Variants in PTPRQ observed in about 807,000 individuals in gnomAD.
PTPRQ encodes the protein protein tyrosine phosphatase receptor type Q.
A neutral mutation model predicts 246.0 loss-of-function variants in PTPRQ; 199 were observed. The observed-to-expected ratio is 0.81, with a 90% CI of 0.72 to 0.91. PTPRQ has a LOEUF of 0.91. PTPRQ is among the 40% of genes least tolerant of loss of function. The probability of loss-of-function intolerance (pLI) is 0.00; values close to 1 mark genes in which losing one functional copy is unlikely to be tolerated. For synonymous variants in PTPRQ, 869 were observed against 853.2 expected (o/e 1.02, Z -0.32); for missense variants, 2,624 against 2,528.4 (o/e 1.04, Z -0.81).
At position 80,679,964 on chromosome 12, in the gene PTPRQ, A is replaced by T; in HGVS notation, c.*941A>T. 6.6e-6 allele frequency: 1 copy of T among 151,734 alleles called. No individual in the cohort carries two copies. Among genetic ancestry groups the T allele is most frequent in the South Asian group, 2.1e-4 (1 of 4,824 alleles). The allele number at this position is 151,734 out of a possible 1,614,324, so 9.4% of individuals were successfully genotyped here. A position where few individuals can be genotyped will look rare whatever the true frequency, so the allele number is the denominator to read the frequency against. On this transcript the variant is annotated 3_prime_UTR_variant, in exon 45 of 45. Transcript: ENST00000644991. Reference sequence around the variant, plus strand: ...GAGACTTCCAAATGGATTATGTTAAATGGCCGTCATTTCATTTCCCAAGGT... The same window carrying T: ...GAGACTTCCAAATGGATTATGTTAATTGGCCGTCATTTCATTTCCCAAGGT...
chr12:80,578,274 T>C (rs896509026), intron 25 of PTPRQ, among the ~76,000 whole-genome samples: 2 of 139,938 alleles, frequency 1.4e-5, no homozygotes, highest in Non-Finnish European at 1.5e-5. Flanking sequence ...CCTGTGTCCA[T>C]GTGTTCTCAT....
At chr12:80,673,128 C>G (rs1339828823) in intron 42 of PTPRQ, 41 bp from the exon 43 acceptor site, 97 of 1,545,818 alleles carry the variant, frequency 6.3e-5, no homozygotes, top group Non-Finnish European at 7.9e-5. Flanking sequence ...AATGAACAAC[C>G]CTTTGCTGAA....
At chr12:80,542,955 G>A in intron 23 of PTPRQ, 74 bp downstream of exon 23, 2 of 1,013,796 alleles carry the variant, frequency 2.0e-6, no homozygotes, top group East Asian at 3.1e-5. Flanking sequence ...ACATATAGGA[G>A]GAAAATGGAC....
At chr12:80,546,441 C>T in intron 23 of PTPRQ, 115 bp from the exon 24 acceptor site, 1 of 994,872 alleles carries the variant, frequency 1.0e-6, no homozygotes, top group Non-Finnish European at 1.5e-6. Flanking sequence ...TTTAAAATAT[C>T]CATGCTTATT....
chr12:80,612,146 CTA>C (rs1182266945), intron 28 of PTPRQ, among the ~76,000 whole-genome samples: 1 of 150,238 alleles, frequency 6.7e-6, no homozygotes, highest in East Asian at 2.0e-4. Context: ...ATAAAGAACA[CTA>C]ATTATGTTAT....
Position 80,445,598 on chromosome 12 carries a change from G to A in PTPRQ, c.271G>A (p.Val91Ile), listed in dbSNP as rs1364127912. 3.9e-6 allele frequency: 6 copies of A among 1,548,502 alleles called. No homozygotes were observed. In the Admixed American group the frequency reaches 1.2e-4, roughly 30 times the overall value. ...AAATGGAAGGATTATATCTTACATTGTCAAATATAAGGAAGTTTGTCCGTG... is the reference window on the plus strand; with the variant it reads ...AAATGGAAGGATTATATCTTACATTATCAAATATAAGGAAGTTTGTCCGTG... ...NPNGRIISYI[V>I]KYKEVCPWMQ... The change falls in exon 3 of 45, where the codon GTC becomes ATC. Residue 91 changes from valine to isoleucine, a missense_variant. Val to Ile is a conservative substitution (Grantham distance 29). Coordinates refer to ENST00000644991, the MANE Select transcript of PTPRQ (RefSeq NM_001145026.2).
intron 25 of PTPRQ, among the ~76,000 whole-genome samples, chr12:80,580,215 T>A (rs1054247390): frequency 1.3e-5 from 2 of 152,340 alleles, no homozygotes; most frequent in South Asian, 4.1e-4. Flanking sequence ...CTTATTTAGA[T>A]CTACAGACCC....
chr12:80,463,483 C>T (rs981595247), intron 6 of PTPRQ, among the ~76,000 whole-genome samples: 1 of 152,156 alleles, frequency 6.6e-6, no homozygotes, highest in Non-Finnish European at 1.5e-5. Context: ...TCTAGCAAGG[C>T]AGGCCAACAT....
At chr12:80,612,338 T>C (rs1366277235) in intron 28 of PTPRQ, among the ~76,000 whole-genome samples, 2 of 150,178 alleles carry the variant, frequency 1.3e-5, no homozygotes, top group African/African-American at 2.4e-5. Context: ...AATTAGAAAA[T>C]TGGCAGAAGA....
At position 80,648,911 on chromosome 12, in the gene PTPRQ, G is replaced by GA; in HGVS notation, c.5934dup (p.Ser1979IlefsTer15). 2.0e-6 allele frequency: 3 copies of GA among 1,523,782 alleles called. No homozygotes were observed. The highest frequency in any genetic ancestry group is 2.6e-6 in the Non-Finnish European group (3 of 1,135,212). 94.4% of individuals were successfully genotyped at this position (1,523,782 alleles called of 1,614,324 possible). On this transcript the variant is annotated frameshift_variant, in exon 36 of 45. Coordinates refer to ENST00000644991, the MANE Select transcript of PTPRQ (RefSeq NM_001145026.2). LOFTEE classifies it high-confidence loss of function. ...CTCTATTGCAGGTTACTTAGTTATA[G>GA]AAAATCCATCAAGTAAGTTTGTTAA... is the stretch of plus-strand genomic sequence containing the variant.
At chr12:80,496,171 C>A in intron 13 of PTPRQ, 65 bp downstream of exon 13, 1 of 1,543,466 alleles carries the variant, frequency 6.5e-7, no homozygotes, top group South Asian at 1.2e-5. Flanking sequence ...ACTGCCTTCA[C>A]TTCATGCTAC....
At position 80,495,309 on chromosome 12, in the gene PTPRQ, T is replaced by C; in HGVS notation, c.1820T>C (p.Met607Thr). Residue 607 changes from methionine (M) to threonine (T), a missense_variant, in exon 12 of 45, where the codon ATG (methionine) becomes ACG (threonine). Coordinates refer to ENST00000644991, the MANE Select transcript of PTPRQ (RefSeq NM_001145026.2). ...GKITHYTIYA[M>T]ELDTNRAFQI... ...ATAACTCACTATACGATTTATGCAA[T>C]GGAATTGGATACAAACAGAGCATTC... The C allele has an allele frequency of 3.2e-6, 5 of 1,545,410 alleles. No homozygotes were observed. The highest frequency in any genetic ancestry group is 3.5e-6 in the Non-Finnish European group (4 of 1,145,068).
At chr12:80,678,910 A>G (rs1901231520) in intron 44 of PTPRQ, 76 bp from the exon 45 acceptor site, 3 of 1,481,748 alleles carry the variant, frequency 2.0e-6, no homozygotes, top group Non-Finnish European at 2.7e-6. Flanking sequence ...TCTACATTAT[A>G]TTTTTATCAT....
chr12:80,482,919 CT>C (rs1312920034), intron 8 of PTPRQ, among the ~76,000 whole-genome samples: 2 of 112,542 alleles, frequency 1.8e-5, no homozygotes, highest in East Asian at 4.4e-4. Context: ...CACTTTTACA[CT>C]GTTGGTGGGA....
chr12:80,480,725 A>G (rs931397485), intron 8 of PTPRQ, among the ~76,000 whole-genome samples: 2 of 152,202 alleles, frequency 1.3e-5, no homozygotes, highest in East Asian at 3.8e-4. Context: ...ACAAACTACC[A>G]TCAGAGAATA....
Position 80,510,450 on chromosome 12 carries a change from A to AT in PTPRQ, c.2678+17dup, listed in dbSNP as rs753226292. 2.2e-3 allele frequency: 3,029 copies of AT among 1,405,618 alleles called. No individual in the cohort carries two copies. The highest frequency in any genetic ancestry group is 6.7e-3 in the South Asian group (472 of 70,828). The allele number at this position is 1,405,618 out of a possible 1,614,324, so 87.1% of individuals were successfully genotyped here. ...ATTACACAGTTTATGTCTGGTAATAATTTTTTTTTTGGAAATAGTTCTGAG... is the reference window on the plus strand; with the variant it reads ...ATTACACAGTTTATGTCTGGTAATAATTTTTTTTTTTGGAAATAGTTCTGAG... On this transcript the variant is annotated splice_region_variant and intron_variant, in intron 17 of 44. Coordinates refer to ENST00000644991, the MANE Select transcript of PTPRQ (RefSeq NM_001145026.2).
At chr12:80,565,891 A>G (rs1274785176) in intron 25 of PTPRQ, among the ~76,000 whole-genome samples, 1 of 152,180 alleles carries the variant, frequency 6.6e-6, no homozygotes, top group Non-Finnish European at 1.5e-5. Context: ...GGAGGGAGCT[A>G]TTTTATAAAT....
At chr12:80,607,208 C>T (rs971671855) in intron 27 of PTPRQ, among the ~76,000 whole-genome samples, 1 of 150,854 alleles carries the variant, frequency 6.6e-6, no homozygotes, top group African/African-American at 2.4e-5. Flanking sequence ...ATCTAAGGAA[C>T]AGAGACGGTG....
chr12:80,605,016 C>T (rs1001922013), intron 26 of PTPRQ, 43 bp from the exon 27 acceptor site: 3 of 1,501,678 alleles, frequency 2.0e-6, no homozygotes, highest in Non-Finnish European at 1.8e-6. Flanking sequence ...GTAGCAAGTA[C>T]TAATTCTAAT....
Sources: allele counts gnomAD v4.1 joint callset (sites outside exome capture counted in the v4.1 genomes callset), GRCh38; gene constraint gnomAD v4.1.1; transcripts MANE v1.5; gene names NCBI Gene and HGNC (gene_info 2026-07-23, HGNC 2026-07-21).